The following PPIL3 variants were observed in gnomAD, a reference collection of about 807,000 sequenced individuals.
PPIL3 encodes the protein peptidylprolyl isomerase like 3, also known as peptidyl-prolyl cis-trans isomerase-like 3.
In PPIL3, 13 loss-of-function variants were observed where a neutral mutation model predicts 20.9. The ratio of observed to expected loss-of-function variants is 0.62; its 90% confidence interval spans 0.40 to 0.99. PPIL3 has a LOEUF of 0.99. PPIL3 is among the 50% of genes least tolerant of loss of function. The pLI, the probability that PPIL3 is intolerant of heterozygous loss-of-function variation, is 0.00. For synonymous variants in PPIL3, 71 were observed against 64.4 expected (o/e 1.10, Z -0.49); for missense variants, 170 against 195.2 (o/e 0.87, Z 0.77).
At chr2:200,871,873 C>T (rs1039429055) in intron 6 of PPIL3, among the ~76,000 whole-genome samples, 1 of 152,202 alleles carries the variant, frequency 6.6e-6, no homozygotes, top group African/African-American at 2.4e-5. Flanking sequence ...ATACTTCCAA[C>T]ACCAAATGTG....
intron 4 of PPIL3, 89 bp from the exon 5 acceptor site, chr2:200,881,577 T>C (rs763504334): frequency 3.8e-5 from 41 of 1,081,574 alleles, no homozygotes; most frequent in Non-Finnish European, 5.1e-5. Flanking sequence ...ACTTTATAGT[T>C]TGACTGCTTA....
At position 200,887,623 on chromosome 2, in the gene PPIL3, C is replaced by T; in HGVS notation, c.-8G>A. The T allele has an allele frequency of 6.2e-7, 1 of 1,603,476 alleles. No homozygotes were observed. Among genetic ancestry groups the T allele is most frequent in the Non-Finnish European group, 8.5e-7 (1 of 1,174,154 alleles). ...TTGCTCAAAACTTACCATTTTTCCT[C>T]TTAGTGGTTTCAGGAAGGACTACGT... On this transcript the variant is annotated 5_prime_UTR_variant, in exon 2 of 7. Coordinates refer to ENST00000392283, the MANE Select transcript of PPIL3 (RefSeq NM_130906.3).
chr2:200,879,694 C>A (rs189607166), intron 5 of PPIL3, among the ~76,000 whole-genome samples: 1 of 152,098 alleles, frequency 6.6e-6, no homozygotes, highest in Non-Finnish European at 1.5e-5. Flanking sequence ...ATTAGCTGGG[C>A]ACGGTGGTGC....
In PPIL3 at chr2:200,882,389, A is replaced by G. The variant is rs779389340; in HGVS notation, c.125T>C (p.Phe42Ser). Reference sequence around the variant, plus strand: ...CATGAAACCCTTGATATTCCTATGAAATATACAGCCATTGTAGTAATTACT... The same window carrying G: ...CATGAAACCCTTGATATTCCTATGAGATATACAGCCATTGTAGTAATTACT... Reference protein sequence around the residue: ...CASNYYNGCIFHRNIKGFMVQ... With the variant: ...CASNYYNGCISHRNIKGFMVQ... The change falls in exon 4 of 7, where the codon TTT becomes TCT. Residue 42 changes from phenylalanine (F) to serine (S), a missense_variant. By Grantham distance (155) the Phe-to-Ser change is radical. Coordinates refer to ENST00000392283, the MANE Select transcript of PPIL3 (RefSeq NM_130906.3). The G allele has an allele frequency of 1.1e-5, 17 of 1,608,624 alleles. No homozygotes were observed. The highest frequency in any genetic ancestry group is 2.7e-5 in the African/African-American group (2 of 74,816).
chr2:200,877,060 T>G (rs1407599849), intron 5 of PPIL3, 23 bp from the exon 6 acceptor site: 1 of 1,440,554 alleles, frequency 6.9e-7, no homozygotes, highest in Non-Finnish European at 9.8e-7. Flanking sequence ...CATCAAAGTA[T>G]TAACTGTGTT....
At chr2:200,881,324 G>A (rs1299690834) in intron 5 of PPIL3, 97 bp downstream of exon 5, 11 of 855,726 alleles carry the variant, frequency 1.3e-5, no homozygotes, top group Non-Finnish European at 1.8e-6. Flanking sequence ...TGTTCATTTT[G>A]CAATGATGTT....
intron 2 of PPIL3, 60 bp downstream of exon 2, chr2:200,887,549 TTGAC>T (rs1230843115): frequency 3.0e-6 from 4 of 1,320,080 alleles, no homozygotes. Context: ...TTTATTGCCC[TTGAC>T]TGAATTTCTA....
intron 6 of PPIL3, among the ~76,000 whole-genome samples, chr2:200,874,204 CA>C (rs767177492): frequency 0.1 from 6,724 of 65,686 alleles, 139 homozygotes; most frequent in Middle Eastern, 0.22. Context: ...GACTCTGTCT[CA>C]AAAAAAAAAA....
chr2:200,875,009 T>C (rs1242303099), intron 6 of PPIL3, among the ~76,000 whole-genome samples: 5 of 152,232 alleles, frequency 3.3e-5, no homozygotes, highest in Non-Finnish European at 7.3e-5. Flanking sequence ...AACTCTAGAA[T>C]TGTGCCTTGG....
chr2:200,872,585 C>A (rs2039348399), intron 6 of PPIL3, among the ~76,000 whole-genome samples: 1 of 151,966 alleles, frequency 6.6e-6, no homozygotes, highest in South Asian at 2.1e-4. Flanking sequence ...TATCTAGAAC[C>A]CCACCAAGAG....
At chr2:200,876,746 C>A (rs2039532288) in intron 6 of PPIL3, among the ~76,000 whole-genome samples, 173 bp downstream of exon 6, 1 of 152,112 alleles carries the variant, frequency 6.6e-6, no homozygotes, top group African/African-American at 2.4e-5. Context: ...TGGTCTCGAA[C>A]TCCTGACCTC....
rs574023230 is a variant in PPIL3 at position 200,885,356 on chromosome 2, G to A, written c.78+342C>T. On this transcript the variant is annotated intron_variant, in intron 3 of 6. Coordinates refer to ENST00000392283, the MANE Select transcript of PPIL3 (RefSeq NM_130906.3). Reference sequence around the variant, plus strand: ...ATTGTACTCCAGCCTGGGGGACACAGCGAGACTCCATCTCAAAAAAAAATA... The same window carrying A: ...ATTGTACTCCAGCCTGGGGGACACAACGAGACTCCATCTCAAAAAAAAATA... 2.2e-5 allele frequency: 8 copies of A among 359,260 alleles called. No homozygotes were observed. In the East Asian group the frequency reaches 2.8e-4, roughly 12 times the overall value. The allele number at this position is 359,260 out of a possible 1,614,324, so 22.3% of individuals were successfully genotyped here.
intron 6 of PPIL3, among the ~76,000 whole-genome samples, chr2:200,873,930 G>A (rs2039407993): frequency 6.6e-6 from 1 of 151,814 alleles, no homozygotes; most frequent in Non-Finnish European, 1.5e-5. Context: ...TGTAGGCCTG[G>A]CGCAGTGGCT....
At position 200,886,327 on chromosome 2, in the gene PPIL3, G is replaced by C. The variant is rs146593724; in HGVS notation, c.4-555C>G. On this transcript the variant is annotated intron_variant, in intron 2 of 6. Transcript: ENST00000392283. ...CACAGTGCTTTCTTGCTTGCTTTTT[G>C]TTTTTGTTGTACCTGTTTTTCTGTA... 2.4e-3 allele frequency among the ~76,000 whole-genome samples: 361 copies of C among 151,932 alleles called. 1 individual carries two copies. Among genetic ancestry groups the C allele is most frequent in the Admixed American group, 6.7e-3 (102 of 15,272 alleles).
chr2:200,887,379 CAAAAAA>C (rs770510276), intron 2 of PPIL3, among the ~76,000 whole-genome samples: 1 of 50,798 alleles, frequency 2.0e-5, no homozygotes, highest in South Asian at 7.6e-4. Flanking sequence ...GAGTGAAACT[CAAAAAA>C]AAAAAAAAAA....
In PPIL3 at chr2:200,871,325, T is replaced by C. The variant is rs2039295680; in HGVS notation, c.*70A>G. On this transcript the variant is annotated 3_prime_UTR_variant, in exon 7 of 7. Transcript: ENST00000392283. ...AAGGATGATGCAATCTCTGACATAA[T>C]TAAAACCGGGTAAACCACAATAAGT... The C allele has an allele frequency of 1.4e-6, 2 of 1,467,682 alleles. No homozygotes were observed. The highest frequency in any genetic ancestry group is 4.0e-5 in the Admixed American group (2 of 49,422). The allele number at this position is 1,467,682 out of a possible 1,614,324, so 90.9% of individuals were successfully genotyped here. A position where few individuals can be genotyped will look rare whatever the true frequency, so the allele number is the denominator to read the frequency against.
chr2:200,882,584 T>C, intron 3 of PPIL3, 149 bp from the exon 4 acceptor site: 1 of 643,738 alleles, frequency 1.6e-6, no homozygotes. Context: ...CCTACAACAC[T>C]TCAATAGCTT....
intron 5 of PPIL3, among the ~76,000 whole-genome samples, chr2:200,880,440 T>C (rs2039684384): frequency 6.9e-6 from 1 of 144,736 alleles, no homozygotes; most frequent in Non-Finnish European, 1.5e-5. Flanking sequence ...GGTCTCGTTC[T>C]GTGCATGATC....
chr2:200,875,405 T>C (rs957894728), intron 6 of PPIL3, among the ~76,000 whole-genome samples: 1 of 151,976 alleles, frequency 6.6e-6, no homozygotes, highest in Non-Finnish European at 1.5e-5. Context: ...GTAGCTGGAA[T>C]TACAGGCACG....
Sources: allele counts gnomAD v4.1 joint callset (sites outside exome capture counted in the v4.1 genomes callset), GRCh38; gene constraint gnomAD v4.1.1; transcripts MANE v1.5; gene names NCBI Gene and HGNC (gene_info 2026-07-23, HGNC 2026-07-21).